BTBD16: variants seen among roughly 807,000 people sequenced by gnomAD.
BTBD16 encodes the protein BTB domain containing 16.
BTBD16 carries 66 observed loss-of-function variants against 67.4 expected under a neutral mutation model. The observed-to-expected ratio is 0.98, with a 90% confidence interval of 0.80 to 1.20. BTBD16 has a LOEUF of 1.20. Among genes scored for constraint, BTBD16 ranks in the 50% most tolerant of loss-of-function variants. The pLI, the probability that BTBD16 is intolerant of heterozygous loss-of-function variation, is 0.00. For missense variants in BTBD16, 634 were observed against 616.0 expected, an observed-to-expected ratio of 1.03 and a Z score of -0.31; for synonymous variants, 242 against 236.4, an observed-to-expected ratio of 1.02 and a Z score of -0.22.
chr10:122,329,308 G>A (rs912548514), intron 10 of BTBD16, among the ~76,000 whole-genome samples, 172 bp from the exon 11 acceptor site: 3 of 152,148 alleles, frequency 2.0e-5, no homozygotes, highest in African/African-American at 4.8e-5. Context: ...ATAAAATGTC[G>A]TCTAAGCCAC....
intron 10 of BTBD16, among the ~76,000 whole-genome samples, chr10:122,314,159 T>A (rs543531904): frequency 6.6e-6 from 1 of 152,298 alleles, no homozygotes; most frequent in Admixed American, 6.5e-5. Context: ...TTGGGGAAAA[T>A]TGACCTCTTT....
intron 10 of BTBD16, among the ~76,000 whole-genome samples, chr10:122,310,486 G>A (rs56045624): frequency 0.048 from 7,291 of 152,266 alleles, 222 homozygotes; most frequent in Middle Eastern, 0.11. Context: ...ACTGCAGGGA[G>A]TCACGGACAG....
intron 3 of BTBD16, among the ~76,000 whole-genome samples, chr10:122,280,142 T>C (rs4752678): frequency 0.64 from 98,011 of 152,046 alleles, 33,076 homozygotes; most frequent in East Asian, 0.89. Context: ...TTGCGAGTAC[T>C]CTAATCTTTT....
At chr10:122,329,076 A>G (rs2096450402) in intron 10 of BTBD16, among the ~76,000 whole-genome samples, 1 of 152,106 alleles carries the variant, frequency 6.6e-6, no homozygotes, top group Admixed American at 6.5e-5. Flanking sequence ...TCTTTTTCCC[A>G]TCTGTAAAAT....
At chr10:122,329,400 A>G in intron 10 of BTBD16, 80 bp from the exon 11 acceptor site, 3 of 1,401,440 alleles carry the variant, frequency 2.1e-6, no homozygotes, top group Non-Finnish European at 3.0e-6. Context: ...AGTCTCTACA[A>G]CATGGCTTTC....
intron 5 of BTBD16, chr10:122,287,556 T>C: frequency 1.2e-6 from 1 of 835,832 alleles, no homozygotes; most frequent in Non-Finnish European, 1.4e-6. Flanking sequence ...CCTCGCAAGT[T>C]CCATGGACCG....
chr10:122,299,148 C>T lies in BTBD16; in HGVS notation c.791+14C>T, dbSNP rs767771024. 1.2e-6 allele frequency: 2 copies of T among 1,612,680 alleles called. No homozygotes were observed. Among genetic ancestry groups the T allele is most frequent in the East Asian group, 2.2e-5 (1 of 44,846 alleles). ...GAAGTCCCCCAGGTCAGAGCTGGCT[C>T]CCAGGGTGCGGCCCCTGAGAGGGGG... On this transcript the variant is annotated intron_variant, in intron 9 of 15. Coordinates refer to ENST00000260723, the MANE Select transcript of BTBD16 (RefSeq NM_144587.5).
rs556253511 is a variant in BTBD16, at chr10:122,331,098, T to C, written c.1004-78T>C. 5.2e-6 allele frequency: 8 copies of C among 1,550,002 alleles called. No individual in the cohort carries two copies. The African/African-American group carries it at 1.1e-4, about 21-fold the overall frequency. ...TTCCCTCAGCTCCGGACTTCTTCCT[T>C]TTCCTTTCTGTAAATGAGACTTTTG... On this transcript the variant is annotated intron_variant, in intron 11 of 15. Transcript: ENST00000260723.
chr10:122,335,186 T>C (rs1043565517), intron 14 of BTBD16, among the ~76,000 whole-genome samples: 1 of 152,256 alleles, frequency 6.6e-6, no homozygotes, highest in African/African-American at 2.4e-5. Context: ...ATTTAGCGGA[T>C]GAGGATCTGA....
chr10:122,337,758 G>A (rs1432586682), intron 15 of BTBD16, among the ~76,000 whole-genome samples: 3 of 152,158 alleles, frequency 2.0e-5, no homozygotes, highest in Non-Finnish European at 4.4e-5. Flanking sequence ...TCTTGTTCAG[G>A]GTGATGGTTA....
At chr10:122,306,664 G>A (rs748253786) in intron 9 of BTBD16, among the ~76,000 whole-genome samples, 2 of 152,268 alleles carry the variant, frequency 1.3e-5, no homozygotes, top group South Asian at 2.1e-4. Context: ...ACCTTGGTGC[G>A]AAATTTAAGG....
chr10:122,284,118 G>C (rs2096358675), intron 4 of BTBD16, among the ~76,000 whole-genome samples, 194 bp downstream of exon 4: 2 of 152,178 alleles, frequency 1.3e-5, no homozygotes, highest in African/African-American at 4.8e-5. Flanking sequence ...GTGAAGTCAA[G>C]CTTGGTAAAC....
At chr10:122,326,582 T>C (rs2096445222) in intron 10 of BTBD16, among the ~76,000 whole-genome samples, 1 of 151,770 alleles carries the variant, frequency 6.6e-6, no homozygotes. Flanking sequence ...GATGACAGGG[T>C]AGAGGAAGTG....
intron 4 of BTBD16, 151 bp downstream of exon 4, chr10:122,284,075 G>A: frequency 1.6e-6 from 1 of 634,490 alleles, no homozygotes; most frequent in Non-Finnish European, 2.8e-6. Context: ...GAAATAATAG[G>A]TGCCCGGTAA....
intron 10 of BTBD16, among the ~76,000 whole-genome samples, chr10:122,308,073 A>G (rs138016169): frequency 1.4e-3 from 207 of 152,286 alleles, no homozygotes; most frequent in South Asian, 3.1e-3. Context: ...TTAATAGCCT[A>G]TGAGACACTT....
intron 10 of BTBD16, among the ~76,000 whole-genome samples, chr10:122,326,039 G>GAA (rs11460797): frequency 6.3e-5 from 9 of 143,034 alleles, no homozygotes; most frequent in African/African-American, 2.3e-4. Flanking sequence ...TATATTTTGA[G>GAA]AAAAAAAAAA....
intron 9 of BTBD16, among the ~76,000 whole-genome samples, chr10:122,300,995 C>T (rs2096392757): frequency 6.6e-6 from 1 of 152,154 alleles, no homozygotes; most frequent in African/African-American, 2.4e-5. Context: ...GAACAGAGTT[C>T]TGGGACAGAG....
chr10:122,300,037 C>A (rs1251154126), intron 9 of BTBD16, among the ~76,000 whole-genome samples: 2 of 152,142 alleles, frequency 1.3e-5, no homozygotes, highest in Non-Finnish European at 2.9e-5. Context: ...GCTCCTTCTC[C>A]CTTACAGAAA....
At chr10:122,316,196 G>A (rs2096423993) in intron 10 of BTBD16, among the ~76,000 whole-genome samples, 1 of 152,146 alleles carries the variant, frequency 6.6e-6, no homozygotes, top group African/African-American at 2.4e-5. Context: ...GAACCTGGGA[G>A]GCAGAGGTTG....
Sources: gnomAD v4.1 joint callset for allele counts (sites outside exome capture counted in the v4.1 genomes callset) on GRCh38, gnomAD v4.1.1 for gene constraint, MANE v1.5 for transcripts, NCBI Gene and HGNC (gene_info 2026-07-23, HGNC 2026-07-21) for gene names.